The following CYP17A1 variants were observed in gnomAD, a reference collection of about 807,000 sequenced individuals.
CYP17A1 encodes cytochrome P450 family 17 subfamily A member 1.
CYP17A1 carries 27 observed loss-of-function variants against 38.5 expected under a neutral mutation model. The ratio of observed to expected loss-of-function variants is 0.70; its 90% CI spans 0.52 to 0.97. The LOEUF (loss-of-function observed/expected upper bound fraction) is 0.97, where lower values mean the gene tolerates loss of function less well. CYP17A1 is among the 50% of genes least tolerant of loss of function. CYP17A1 has a pLI of 0.00. For synonymous variants in CYP17A1, 263 were observed against 253.3 expected, an observed-to-expected ratio of 1.04 and a Z score of -0.36; for missense variants, 549 against 645.9, an observed-to-expected ratio of 0.85 and a Z score of 1.63.
intron 3 of CYP17A1, 110 bp downstream of exon 3, chr10:102,834,675 C>G: frequency 6.6e-7 from 1 of 1,504,366 alleles, no homozygotes; most frequent in South Asian, 1.2e-5. Flanking sequence ...CGGAGGTAAT[C>G]AGGAAAAAGA....
At chr10:102,836,092 G>A (rs3824755) in intron 1 of CYP17A1, among the ~76,000 whole-genome samples, 2 of 152,074 alleles carry the variant, frequency 1.3e-5, no homozygotes, top group African/African-American at 4.8e-5. Context: ...AGCAGAGGTG[G>A]GAGCTAGGTA....
intron 3 of CYP17A1, 118 bp from the exon 4 acceptor site, chr10:102,834,240 C>T: frequency 5.6e-6 from 4 of 711,288 alleles, no homozygotes; most frequent in South Asian, 4.6e-5. Flanking sequence ...TACTCCACCC[C>T]TGACCTTCAG....
Position 102,835,565 on chromosome 10 carries a change from C to T in CYP17A1, c.298-173G>A, listed in dbSNP as rs987232876. On this transcript the variant is annotated intron_variant, in intron 1 of 7. Transcript: ENST00000369887. ...CCATGACTGCAAGGACTTGGTAGGACAGACCCTAAGGCCTCCTACTCCCAA... is the reference window on the plus strand; with the variant it reads ...CCATGACTGCAAGGACTTGGTAGGATAGACCCTAAGGCCTCCTACTCCCAA... 4.8e-5 allele frequency: 34 copies of T among 701,464 alleles called. No individual in the cohort carries two copies. In the South Asian group the frequency reaches 5.0e-4, roughly 10 times the overall value. 43.5% of individuals were successfully genotyped at this position (701,464 alleles called of 1,614,324 possible).
chr10:102,833,269 C>T, intron 4 of CYP17A1, 61 bp from the exon 5 acceptor site: 1 of 1,612,594 alleles, frequency 6.2e-7, no homozygotes. Context: ...GACACTCCTG[C>T]CATACTTCTG....
chr10:102,831,623 T>C lies in CYP17A1; in HGVS notation c.1140-12A>G, dbSNP rs1844090596. 2 of 1,613,184 alleles carry C rather than the reference T, an allele frequency of 1.2e-6. No homozygotes were observed. The highest frequency in any genetic ancestry group is 1.7e-6 in the Non-Finnish European group (2 of 1,179,970). Reference sequence around the variant, plus strand: ...CAAACTCACCGATGCTGCTCCAGAGTGGAAGAGGAAAAGTGGGTCTGGGAC... The same window carrying C: ...CAAACTCACCGATGCTGCTCCAGAGCGGAAGAGGAAAAGTGGGTCTGGGAC... On this transcript the variant is annotated splice_polypyrimidine_tract_variant and intron_variant, in intron 6 of 7. Transcript: ENST00000369887.
chr10:102,832,703 G>T, intron 5 of CYP17A1, 23 bp from the exon 6 acceptor site: 1 of 1,524,576 alleles, frequency 6.6e-7, no homozygotes, highest in Non-Finnish European at 9.1e-7. Context: ...GTAGGTTGGA[G>T]GTGACTAGTG....
chr10:102,835,563 G>A (rs1844152389), intron 1 of CYP17A1, 171 bp from the exon 2 acceptor site: 2 of 705,184 alleles, frequency 2.8e-6, no homozygotes, highest in Non-Finnish European at 5.2e-6. Flanking sequence ...GACTTGGTAG[G>A]ACAGACCCTA....
rs1554879846 is a variant in CYP17A1, at chr10:102,831,510, G to A, written c.1241C>T (p.Pro414Leu). ...GGCGCAGGACAGGACAGACTCACCA[G>A]GCATGAACTGATCCGGCTGGTGCCA... ...KEWHQPDQFM[P>L]ERFLNPAGTQ... The change falls in exon 7 of 8, where the codon CCT becomes CTT. Residue 414 changes from proline (P) to leucine (L), a missense_variant and splice_region_variant. Coordinates refer to ENST00000369887, the MANE Select transcript of CYP17A1 (RefSeq NM_000102.4). The A allele has an allele frequency of 6.2e-7, 1 of 1,613,908 alleles. No homozygotes were observed. The highest frequency in any genetic ancestry group is 8.5e-7 in the Non-Finnish European group (1 of 1,180,038).
chr10:102,831,673 C>G, intron 6 of CYP17A1, 62 bp from the exon 7 acceptor site: 1 of 1,601,104 alleles, frequency 6.2e-7, no homozygotes, highest in Non-Finnish European at 8.5e-7. Context: ...CTTGCTCAGC[C>G]TCATGCCCCC....
intron 7 of CYP17A1, 40 bp from the exon 8 acceptor site, chr10:102,831,025 G>A: frequency 7.4e-7 from 1 of 1,357,160 alleles, no homozygotes; most frequent in Non-Finnish European, 1.0e-6. Context: ...GTTAGGGCAG[G>A]AGGGAGGAGA....
At chr10:102,835,228 G>C in intron 2 of CYP17A1, 26 bp downstream of exon 2, 3 of 1,603,186 alleles carry the variant, frequency 1.9e-6, no homozygotes, top group Non-Finnish European at 2.6e-6. Flanking sequence ...TCCAGCCCCA[G>C]CCCCAGGGGC....
chr10:102,835,261 C>T lies in CYP17A1; in HGVS notation c.429G>A (p.Glu143=), dbSNP rs754036409. 6.2e-7 allele frequency: 1 copy of T among 1,613,510 alleles called. No homozygotes were observed. Among genetic ancestry groups the T allele is most frequent in the South Asian group, 1.1e-5 (1 of 91,076 alleles). Residue 143 remains glutamate, a synonymous_variant, in exon 2 of 8, where the codon GAG becomes GAA. Transcript: ENST00000369887. ...GGCCAGCCTGGCACTCACTGATCTT[C>T]TCCAGCTTCTGATCGCCATCCTTGA... ...ALFKDGDQKL[E]KIICQEISTL...
At chr10:102,833,283 C>T in intron 4 of CYP17A1, 75 bp from the exon 5 acceptor site, 1 of 1,610,364 alleles carries the variant, frequency 6.2e-7, no homozygotes, top group Non-Finnish European at 8.5e-7. Context: ...ACTTCTGTCC[C>T]TGACTAGAGA....
At chr10:102,831,842 T>C (rs938427465) in intron 6 of CYP17A1, 5 of 691,196 alleles carry the variant, frequency 7.2e-6, no homozygotes, top group African/African-American at 7.1e-5. Context: ...TGGACTTTGG[T>C]GTCTGGCAGT....
rs752518511 is a variant in CYP17A1, at chr10:102,834,842, T to G, written c.609A>C (p.Glu203Asp). The G allele has an allele frequency of 5.0e-6, 8 of 1,614,160 alleles. No homozygotes were observed. In the South Asian group the frequency reaches 8.8e-5, roughly 18 times the overall value. Residue 203 changes from glutamate (E) to aspartate (D), a missense_variant, in exon 3 of 8, where the codon GAA (glutamate) becomes GAC (aspartate). Physicochemically the swap from Glu to Asp is conservative, Grantham distance 45. Transcript: ENST00000369887. ...PELNVIQNYNEGIIDNLSKDS... is the reference protein window; with the variant it reads ...PELNVIQNYNDGIIDNLSKDS... ...CTTTGCTCAGGTTGTCTATGATGCC[T>G]TCATTGTAATTCTGTATGACATTCA... is the stretch of plus-strand genomic sequence containing the variant.
intron 6 of CYP17A1, among the ~76,000 whole-genome samples, chr10:102,831,928 C>A (rs1473853081): frequency 6.6e-6 from 1 of 152,136 alleles, no homozygotes; most frequent in Non-Finnish European, 1.5e-5. Flanking sequence ...GAGCTCCCAG[C>A]CTTTCATCCC....
rs746813353 is a variant in CYP17A1 at position 102,830,815 on chromosome 10, G to T, written c.1414C>A (p.Gln472Lys). The change falls in exon 8 of 8, where the codon CAG becomes AAG. Residue 472 changes from glutamine (Q) to lysine (K), a missense_variant. Physicochemically the swap from Gln to Lys is moderately conservative, Grantham distance 53. Coordinates refer to ENST00000369887, the MANE Select transcript of CYP17A1 (RefSeq NM_000102.4). The surrounding 1 kb of genome is among the most constrained non-coding windows in gnomAD (Gnocchi z 4.1). ...GGGATGCCTTCCAGGGAGGGCAGCT[G>T]CCCATCATCTGGCACCTCCAGGTCG... ...RFDLEVPDDG[Q>K]LPSLEGIPKV... 6.3e-7 allele frequency: 1 copy of T among 1,593,442 alleles called. No individual in the cohort carries two copies. The highest frequency in any genetic ancestry group is 8.6e-7 in the Non-Finnish European group (1 of 1,165,446).
chr10:102,832,457 C>G, intron 6 of CYP17A1, 54 bp downstream of exon 6: 1 of 1,206,280 alleles, frequency 8.3e-7, no homozygotes. Flanking sequence ...GGTGGGCTGG[C>G]AAGCAGTGTT....
chr10:102,834,277 C>A, intron 3 of CYP17A1, 155 bp from the exon 4 acceptor site: 1 of 673,790 alleles, frequency 1.5e-6, no homozygotes, highest in Non-Finnish European at 2.7e-6. Flanking sequence ...GATGGGGACA[C>A]AGAACGGGTT....
Sources: allele counts gnomAD v4.1 joint callset (sites outside exome capture counted in the v4.1 genomes callset), GRCh38; gene constraint gnomAD v4.1.1; non-coding constraint Gnocchi (gnomAD v3.1); transcripts MANE v1.5; gene names NCBI Gene and HGNC (gene_info 2026-07-23, HGNC 2026-07-21).